FNTB: variants seen among roughly 807,000 people sequenced by gnomAD.
FNTB encodes the protein farnesyltransferase, CAAX box, subunit beta.
A neutral mutation model predicts 59.4 loss-of-function variants in FNTB; 27 were observed. The observed-to-expected ratio is 0.45, with a 90% CI of 0.34 to 0.63. The LOEUF (loss-of-function observed/expected upper bound fraction) is 0.63. Among genes scored for constraint, FNTB ranks in the 20% least tolerant of loss-of-function variants. The pLI is 0.02. For missense variants in FNTB, 449 were observed against 559.6 expected (o/e 0.80, Z 1.99); for synonymous variants, 230 against 220.7 (o/e 1.04, Z -0.37).
intron 1 of FNTB, among the ~76,000 whole-genome samples, chr14:64,992,207 A>T (rs34677431): frequency 0.22 from 32,857 of 152,100 alleles, 4,026 homozygotes; most frequent in Non-Finnish European, 0.29. Context: ...ATATTGCCCA[A>T]GTGTAAAGTA....
chr14:65,037,415 T>C (rs1274905315), intron 7 of FNTB, among the ~76,000 whole-genome samples: 5 of 92,018 alleles, frequency 5.4e-5, no homozygotes, highest in Admixed American at 2.6e-4. Flanking sequence ...TTTTTTTTTT[T>C]TTTTTTTTTT....
chr14:65,008,898 T>A (rs1276040599), intron 2 of FNTB, among the ~76,000 whole-genome samples: 1 of 152,194 alleles, frequency 6.6e-6, no homozygotes, highest in African/African-American at 2.4e-5. Context: ...TCCCATAGCC[T>A]TAATAGATTT....
intron 7 of FNTB, among the ~76,000 whole-genome samples, chr14:65,036,732 C>T (rs1227397980): frequency 6.6e-6 from 1 of 152,022 alleles, no homozygotes. Flanking sequence ...CTTGCTCTGT[C>T]ACCCAGGTTG....
In FNTB at chr14:65,014,878, C is replaced by T. The variant is rs1472386693; in HGVS notation, c.283-747C>T. Among the ~76,000 whole-genome samples the T allele has an allele frequency of 6.6e-6, 1 of 152,086 alleles. No homozygotes were observed. Among genetic ancestry groups the T allele is most frequent in the Non-Finnish European group, 1.5e-5 (1 of 68,004 alleles). ...CCCCAGTGTCTAATACAGTGCTTGG[C>T]ACAAGTAGATACTATCAAATATTTG... is the stretch of plus-strand genomic sequence containing the variant. On this transcript the variant is annotated intron_variant, in intron 3 of 11. Coordinates refer to ENST00000246166, the MANE Select transcript of FNTB (RefSeq NM_002028.4). This position sits in a 1 kb window ranked among gnomAD's most constrained non-coding sequence, Gnocchi z 5.1.
In FNTB at chr14:65,012,226, G is replaced by T; in HGVS notation, c.210-91G>T. ...TTGCAGGGGGACGTCCTGAAGCTGA[G>T]TGTTTACCCGTGTGTGTGTACGTGC... is the stretch of plus-strand genomic sequence containing the variant. On this transcript the variant is annotated intron_variant, in intron 2 of 11. Transcript: ENST00000246166. This position sits in a 1 kb window ranked among gnomAD's most constrained non-coding sequence, Gnocchi z 5.0. 1 of 1,523,492 alleles carries T rather than the reference G, an allele frequency of 6.6e-7. No individual in the cohort carries two copies. The highest frequency in any genetic ancestry group is 9.1e-7 in the Non-Finnish European group (1 of 1,103,412). The allele number at this position is 1,523,492 out of a possible 1,614,324, so 94.4% of individuals were successfully genotyped here.
rs575492416 is a variant in FNTB, at chr14:64,988,477, CG to C, written c.144+1381del. On this transcript the variant is annotated intron_variant, in intron 1 of 11. Coordinates refer to ENST00000246166, the MANE Select transcript of FNTB (RefSeq NM_002028.4). ...TTTTTTTTTTTTTGAGATGGGGTCT[CG>C]CCCTGTTGCCAGGCTGGGATGCACT... Among the ~76,000 whole-genome samples, 647 of 136,760 alleles carry C rather than the reference CG, an allele frequency of 4.7e-3. 5 individuals carry two copies. Among genetic ancestry groups the C allele is most frequent in the African/African-American group, 0.017 (608 of 36,190 alleles). The allele number at this position is 136,760 out of a possible 152,430, so 89.7% of individuals were successfully genotyped here.
rs535674913 is a variant in FNTB at position 65,011,094 on chromosome 14, T to C, written c.210-1223T>C. Among the ~76,000 whole-genome samples, 11 of 152,332 alleles carry C rather than the reference T, an allele frequency of 7.2e-5. 1 individual carries two copies. The highest frequency in any genetic ancestry group is 2.4e-4 in the African/African-American group (10 of 41,582). ...CATTCTTTCCTTGTAGCCATTGATATACTTACCTCATTTCTGAATTGGAAG... is the reference window on the plus strand; with the variant it reads ...CATTCTTTCCTTGTAGCCATTGATACACTTACCTCATTTCTGAATTGGAAG... On this transcript the variant is annotated intron_variant, in intron 2 of 11. Transcript: ENST00000246166. This position sits in a 1 kb window ranked among gnomAD's most constrained non-coding sequence, Gnocchi z 4.0.
At chr14:65,053,785 T>G (rs549876582) in intron 10 of FNTB, among the ~76,000 whole-genome samples, 1 of 152,154 alleles carries the variant, frequency 6.6e-6, no homozygotes, top group South Asian at 2.1e-4. Context: ...AAAAGGGAAA[T>G]AAAATAAGTC....
chr14:65,057,750 A>G (rs2062769839), intron 11 of FNTB, among the ~76,000 whole-genome samples: 1 of 152,206 alleles, frequency 6.6e-6, no homozygotes, highest in East Asian at 1.9e-4. Context: ...AGGCTTGGAT[A>G]TAATGTTATC....
Position 65,044,253 on chromosome 14 carries a change from C to T in FNTB, c.823-58C>T, listed in dbSNP as rs45565742. The T allele has an allele frequency of 0.12, 199,889 of 1,606,300 alleles. 14,103 individuals are homozygous for T. Among genetic ancestry groups the T allele is most frequent in the Admixed American group, 0.22 (12,982 of 58,250 alleles). On this transcript the variant is annotated intron_variant, in intron 8 of 11. Transcript: ENST00000246166. This position sits in a 1 kb window ranked among gnomAD's most constrained non-coding sequence, Gnocchi z 5.5. Reference sequence around the variant, plus strand: ...ACAGATTGACTCCTGGAGATTCTGTCGGGCTGGATTTTGTCTCTTTTAGCC... The same window carrying T: ...ACAGATTGACTCCTGGAGATTCTGTTGGGCTGGATTTTGTCTCTTTTAGCC...
At chr14:65,045,433 C>A (rs552116149) in intron 9 of FNTB, among the ~76,000 whole-genome samples, 1 of 149,166 alleles carries the variant, frequency 6.7e-6, no homozygotes, top group East Asian at 2.0e-4. Context: ...CCGCCGCCCC[C>A]GAGATGGAGT....
intron 4 of FNTB, among the ~76,000 whole-genome samples, chr14:65,021,652 C>CT (rs1365106238): frequency 2.0e-5 from 3 of 151,998 alleles, no homozygotes; most frequent in Non-Finnish European, 4.4e-5. Flanking sequence ...AAGTAGCCAA[C>CT]TTTTTTTTCC....
At chr14:65,016,239 G>A (rs1327615638) in intron 4 of FNTB, among the ~76,000 whole-genome samples, 1 of 152,136 alleles carries the variant, frequency 6.6e-6, no homozygotes, top group Non-Finnish European at 1.5e-5. Flanking sequence ...AAACCTGATC[G>A]ATGATTAGAG....
chr14:65,033,515 C>T (rs1595062596), intron 7 of FNTB, among the ~76,000 whole-genome samples: 1 of 152,126 alleles, frequency 6.6e-6, no homozygotes, highest in Non-Finnish European at 1.5e-5. Flanking sequence ...CGTGTATGTT[C>T]TATATTTTGT....
At position 65,012,477 on chromosome 14, in the gene FNTB, C is replaced by CTGACCTGTTGCAGAGTCACTCTT; in HGVS notation, c.282+91_282+113dup. On this transcript the variant is annotated intron_variant, in intron 3 of 11. Transcript: ENST00000246166. This position sits in a 1 kb window ranked among gnomAD's most constrained non-coding sequence, Gnocchi z 5.0. ...ATTTAAACGTAAAAGACTGTTGGGG[C>CTGACCTGTTGCAGAGTCACTCTT]TGACCTGTTGCAGAGTCACTCTTTG... 1 of 1,540,512 alleles carries CTGACCTGTTGCAGAGTCACTCTT rather than the reference C, an allele frequency of 6.5e-7. No individual in the cohort carries two copies. The highest frequency in any genetic ancestry group is 8.9e-7 in the Non-Finnish European group (1 of 1,127,272).
chr14:65,048,903 G>T (rs1283108945), intron 9 of FNTB, among the ~76,000 whole-genome samples: 4 of 151,214 alleles, frequency 2.6e-5, no homozygotes, highest in Non-Finnish European at 5.9e-5. Flanking sequence ...GAGGTGGGTG[G>T]ATCATGAGCT....
chr14:65,012,307 G>T lies in FNTB; in HGVS notation c.210-10G>T, dbSNP rs374323719. The T allele has an allele frequency of 9.3e-6, 15 of 1,613,896 alleles. No homozygotes were observed. The highest frequency in any genetic ancestry group is 1.3e-5 in the Non-Finnish European group (15 of 1,179,910). On this transcript the variant is annotated splice_polypyrimidine_tract_variant and intron_variant, in intron 2 of 11. Coordinates refer to ENST00000246166, the MANE Select transcript of FNTB (RefSeq NM_002028.4). This position sits in a 1 kb window ranked among gnomAD's most constrained non-coding sequence, Gnocchi z 5.0. ...ATTAGAATGGGCTTATAAACTGTTT[G>T]TCTTTCCAGGCTTGTTTTGCAGAGG...
chr14:64,992,645 G>A (rs1339482664), intron 1 of FNTB, among the ~76,000 whole-genome samples: 1 of 152,060 alleles, frequency 6.6e-6, no homozygotes, highest in Non-Finnish European at 1.5e-5. Flanking sequence ...TTAAGAAAGG[G>A]TCTCACTTTG....
At position 64,994,189 on chromosome 14, in the gene FNTB, T is replaced by A. The variant is rs1314707190; in HGVS notation, c.144+7092T>A. The stretch of plus-strand genomic sequence containing the variant: ...GATTTCTATTGATTAAATGAAAAAC[T>A]CCATGAAATACCTTTTAAACAGAGC... On this transcript the variant is annotated intron_variant, in intron 1 of 11. Coordinates refer to ENST00000246166, the MANE Select transcript of FNTB (RefSeq NM_002028.4). This position sits in a 1 kb window ranked among gnomAD's most constrained non-coding sequence, Gnocchi z 4.2. 6.6e-6 allele frequency among the ~76,000 whole-genome samples: 1 copy of A among 152,184 alleles called. No individual in the cohort carries two copies. Among genetic ancestry groups the A allele is most frequent in the Admixed American group, 6.5e-5 (1 of 15,282 alleles).
Sources: gnomAD v4.1 joint callset for allele counts (sites outside exome capture counted in the v4.1 genomes callset) on GRCh38, gnomAD v4.1.1 for gene constraint, Gnocchi (gnomAD v3.1) non-coding constraint, MANE v1.5 for transcripts, NCBI Gene and HGNC (gene_info 2026-07-23, HGNC 2026-07-21) for gene names.